Variants in PTPRN2 observed in about 807,000 individuals in gnomAD.
The protein encoded by PTPRN2 is protein tyrosine phosphatase receptor type N2, also known as receptor-type tyrosine-protein phosphatase N2.
In PTPRN2, 74 loss-of-function variants were observed where a neutral mutation model predicts 118.8. That is an observed-to-expected ratio of 0.62 (90% CI 0.52 to 0.76). The LOEUF (loss-of-function observed/expected upper bound fraction) is 0.76, where lower values mean the gene tolerates loss of function less well. Ranked by LOEUF, PTPRN2 falls within the 30% of genes least tolerant of loss-of-function variation. PTPRN2 has a pLI of 0.00. For missense variants in PTPRN2, 1,481 were observed against 1,394.4 expected, an observed-to-expected ratio of 1.06 and a Z score of -0.99; for synonymous variants, 641 against 608.0, an observed-to-expected ratio of 1.05 and a Z score of -0.80.
chr7:158,253,304 C>T (rs543197216), intron 3 of PTPRN2, among the ~76,000 whole-genome samples: 10 of 150,376 alleles, frequency 6.7e-5, no homozygotes, highest in African/African-American at 2.0e-4. Context: ...CCTGAGGACT[C>T]GAGGACTGAC....
At chr7:158,012,415 G>C (rs1806116300) in intron 11 of PTPRN2, among the ~76,000 whole-genome samples, 2 of 152,176 alleles carry the variant, frequency 1.3e-5, no homozygotes, top group Admixed American at 6.5e-5. Flanking sequence ...AGCCACAGAA[G>C]AACATTTTAA....
intron 2 of PTPRN2, among the ~76,000 whole-genome samples, chr7:158,389,084 C>A (rs1043185084): frequency 2.6e-5 from 4 of 152,242 alleles, no homozygotes; most frequent in African/African-American, 9.6e-5. Context: ...GCAGGCAGGG[C>A]AGTGCCTGGG....
At chr7:157,791,666 C>T (rs1328986974) in intron 12 of PTPRN2, among the ~76,000 whole-genome samples, 2 of 152,122 alleles carry the variant, frequency 1.3e-5, no homozygotes, top group African/African-American at 2.4e-5. Flanking sequence ...ACCCTCTCGA[C>T]CAAGAGCATC....
chr7:158,395,773 T>A (rs185019620), intron 2 of PTPRN2, among the ~76,000 whole-genome samples: 6,103 of 15,360 alleles, frequency 0.4, 1,329 homozygotes, highest in East Asian at 0.66. Flanking sequence ...GGGCGAGGGG[T>A]GAGGCGCGAG....
intron 11 of PTPRN2, among the ~76,000 whole-genome samples, chr7:157,934,229 G>A (rs1799568977): frequency 6.6e-6 from 1 of 152,190 alleles, no homozygotes; most frequent in Admixed American, 6.5e-5. Context: ...CCTATCTTGT[G>A]GTGAGAGCTA....
At chr7:158,139,937 G>A (rs937070625) in intron 6 of PTPRN2, among the ~76,000 whole-genome samples, 22 of 152,228 alleles carry the variant, frequency 1.4e-4, no homozygotes, top group Admixed American at 6.5e-4. Flanking sequence ...TTCATATCAC[G>A]TATGTGAACA....
chr7:157,866,720 C>T (rs1047918126), intron 12 of PTPRN2, among the ~76,000 whole-genome samples: 6 of 152,008 alleles, frequency 3.9e-5, no homozygotes, highest in African/African-American at 1.5e-4. Context: ...CTGGGGTCTC[C>T]TCAGAAGCAG....
chr7:157,989,559 T>TA (rs200464911), intron 11 of PTPRN2, among the ~76,000 whole-genome samples: 2,697 of 151,966 alleles, frequency 0.018, 42 homozygotes, highest in Middle Eastern at 0.031. Flanking sequence ...AGGGCTGCTG[T>TA]AGCCCTTTCC....
At chr7:157,652,023 A>T (rs1391020117) in intron 14 of PTPRN2, among the ~76,000 whole-genome samples, 1 of 152,218 alleles carries the variant, frequency 6.6e-6, no homozygotes, top group East Asian at 1.9e-4. Context: ...TTTTCCAGGA[A>T]CAAGTGACAT....
chr7:158,022,642 T>C lies in PTPRN2; in HGVS notation c.1723+58656A>G, dbSNP rs4716534. Reference sequence around the variant, plus strand: ...CCCGGGCACTCTGTCTGGGGCAGCCTGTAATGTGTTCATAGCCAAGGCCCA... The same window carrying C: ...CCCGGGCACTCTGTCTGGGGCAGCCCGTAATGTGTTCATAGCCAAGGCCCA... On this transcript the variant is annotated intron_variant, in intron 11 of 22. Transcript: ENST00000389418. The surrounding 1 kb of genome is among the most constrained non-coding windows in gnomAD (Gnocchi z 4.6). Among the ~76,000 whole-genome samples, 5,790 of 10,548 alleles carry C rather than the reference T, an allele frequency of 0.55. 1,743 individuals are homozygous for C. Among genetic ancestry groups the C allele is most frequent in the Middle Eastern group, 0.75 (24 of 32 alleles). 6.9% of individuals were successfully genotyped at this position (10,548 alleles called of 152,430 possible).
At chr7:158,162,755 AAG>A (rs1334444005) in intron 6 of PTPRN2, among the ~76,000 whole-genome samples, 3 of 152,240 alleles carry the variant, frequency 2.0e-5, no homozygotes, top group Non-Finnish European at 4.4e-5. Context: ...TAAGTGAAGG[AAG>A]AGAGTCTCTT....
At chr7:158,038,567 A>G (rs1339684293) in intron 11 of PTPRN2, among the ~76,000 whole-genome samples, 3 of 151,886 alleles carry the variant, frequency 2.0e-5, no homozygotes, top group Non-Finnish European at 4.4e-5. Context: ...TTTTTATAAC[A>G]TATATAATGC....
At chr7:158,448,033 G>A (rs1377105051) in intron 2 of PTPRN2, among the ~76,000 whole-genome samples, 1 of 152,224 alleles carries the variant, frequency 6.6e-6, no homozygotes, top group East Asian at 1.9e-4. Context: ...GGCAGCAAGA[G>A]GGCCTCACTG....
chr7:157,873,748 T>G (rs1220734475), intron 12 of PTPRN2, among the ~76,000 whole-genome samples: 1 of 152,014 alleles, frequency 6.6e-6, no homozygotes, highest in Non-Finnish European at 1.5e-5. Flanking sequence ...GTCTCTGGGA[T>G]GGGCAGAGGG....
chr7:157,824,435 C>G (rs1807043282), intron 12 of PTPRN2, among the ~76,000 whole-genome samples: 1 of 152,230 alleles, frequency 6.6e-6, no homozygotes, highest in South Asian at 2.1e-4. Flanking sequence ...CAATGGGCAG[C>G]AGCTTCCCGA....
chr7:158,295,774 TCC>T (rs1563099732), intron 3 of PTPRN2, among the ~76,000 whole-genome samples: 11 of 139,656 alleles, frequency 7.9e-5, no homozygotes, highest in Admixed American at 2.1e-4. Context: ...CCACTCTCCA[TCC>T]GCACGGTTCA....
intron 3 of PTPRN2, among the ~76,000 whole-genome samples, chr7:158,240,669 T>C (rs1795854968): frequency 6.6e-6 from 1 of 152,196 alleles, no homozygotes; most frequent in African/African-American, 2.4e-5. Context: ...CCTCAGGTGA[T>C]TCACCTGCCT....
rs1373715718 is a variant in PTPRN2 at position 158,565,864 on chromosome 7, T to C, written c.112+21694A>G. Among the ~76,000 whole-genome samples, 1 of 152,190 alleles carries C rather than the reference T, an allele frequency of 6.6e-6. No individual in the cohort carries two copies. The highest frequency in any genetic ancestry group is 1.5e-5 in the Non-Finnish European group (1 of 68,036). On this transcript the variant is annotated intron_variant, in intron 1 of 22. Coordinates refer to ENST00000389418, the MANE Select transcript of PTPRN2 (RefSeq NM_002847.5). The surrounding 1 kb of genome is among the most constrained non-coding windows in gnomAD (Gnocchi z 4.6). ...ATATTCTGATGAGGAAACCGAGGCATGGAGCTTCTTAGGAACTTTCCACAG... is the reference window on the plus strand; with the variant it reads ...ATATTCTGATGAGGAAACCGAGGCACGGAGCTTCTTAGGAACTTTCCACAG...
intron 2 of PTPRN2, among the ~76,000 whole-genome samples, chr7:158,389,939 T>A (rs917396592): frequency 2.6e-5 from 4 of 152,230 alleles, no homozygotes; most frequent in Admixed American, 6.5e-5. Context: ...CAGCCCCAGG[T>A]GCTGTCCTCC....
Sources: gnomAD v4.1 joint callset for allele counts (sites outside exome capture counted in the v4.1 genomes callset) on GRCh38, gnomAD v4.1.1 for gene constraint, Gnocchi (gnomAD v3.1) non-coding constraint, MANE v1.5 for transcripts, NCBI Gene and HGNC (gene_info 2026-07-23, HGNC 2026-07-21) for gene names.